Variants in UBR4 observed in about 807,000 individuals in gnomAD.
UBR4 encodes ubiquitin protein ligase E3 component n-recognin 4.
Under a neutral mutation model 575.6 loss-of-function variants are expected in UBR4, and 124 were observed. The ratio of observed to expected loss-of-function variants is 0.22; its 90% CI spans 0.19 to 0.25. The LOEUF is 0.25. UBR4 is among the 10% of genes least tolerant of loss of function. The pLI is 1.00. For missense variants in UBR4, 4,818 were observed against 6,478.8 expected, an observed-to-expected ratio of 0.74 and a Z score of 8.80; for synonymous variants, 2,455 against 2,473.7, an observed-to-expected ratio of 0.99 and a Z score of 0.22.
intron 49 of UBR4, chr1:19,149,771 C>G (rs1259882741): frequency 5.4e-6 from 7 of 1,300,992 alleles, no homozygotes; most frequent in Non-Finnish European, 7.1e-6. Flanking sequence ...ACCGGTCCAG[C>G]TTGGTTAGGG....
At chr1:19,097,315 A>G in intron 90 of UBR4, 35 bp from the exon 91 acceptor site, 1 of 1,593,150 alleles carries the variant, frequency 6.3e-7, no homozygotes, top group Admixed American at 1.7e-5. Context: ...GTACTTAAAA[A>G]CAGGCCCAGA....
chr1:19,119,233 T>C (rs759843021), intron 70 of UBR4, among the ~76,000 whole-genome samples: 2 of 152,196 alleles, frequency 1.3e-5, no homozygotes, highest in Non-Finnish European at 2.9e-5. Context: ...GGTTAGCTAA[T>C]TGCAGAAACA....
chr1:19,130,022 A>T (rs766674066), intron 60 of UBR4, among the ~76,000 whole-genome samples: 2 of 152,166 alleles, frequency 1.3e-5, no homozygotes, highest in Non-Finnish European at 2.9e-5. Flanking sequence ...TTAAAAACAA[A>T]ATGTTTTTAA....
intron 75 of UBR4, 138 bp from the exon 76 acceptor site, chr1:19,114,208 CAAT>C (rs1228701672): frequency 8.7e-7 from 1 of 1,145,002 alleles, no homozygotes; most frequent in African/African-American, 1.6e-5. Flanking sequence ...CTGTTCTTCA[CAAT>C]AATCTTTCCT....
At chr1:19,161,198 G>A in intron 37 of UBR4, 51 bp from the exon 38 acceptor site, 1 of 1,543,092 alleles carries the variant, frequency 6.5e-7, no homozygotes, top group Non-Finnish European at 8.9e-7. Context: ...AAGCACAGAG[G>A]AAATACTGCC....
Position 19,088,045 on chromosome 1 carries a change from A to G in UBR4, c.14431-116T>C, listed in dbSNP as rs538156016. On this transcript the variant is annotated intron_variant, in intron 98 of 105. Coordinates refer to ENST00000375254, the MANE Select transcript of UBR4 (RefSeq NM_020765.3). The surrounding 1 kb of genome is among the most constrained non-coding windows in gnomAD (Gnocchi z 4.0). ...CTACCTCCACTAAAAGGACAGGTGCATGAGAGGAAAGCCCTTGAGCTGTCT... is the reference window on the plus strand; with the variant it reads ...CTACCTCCACTAAAAGGACAGGTGCGTGAGAGGAAAGCCCTTGAGCTGTCT... The G allele has an allele frequency of 1.3e-6, 1 of 743,654 alleles. No individual in the cohort carries two copies. Among genetic ancestry groups the G allele is most frequent in the East Asian group, 2.8e-5 (1 of 35,626 alleles). The allele number at this position is 743,654 out of a possible 1,614,324, so 46.1% of individuals were successfully genotyped here.
At chr1:19,086,842 G>A (rs2077060144) in intron 99 of UBR4, 21 bp from the exon 100 acceptor site, 1 of 1,611,702 alleles carries the variant, frequency 6.2e-7, no homozygotes, top group Non-Finnish European at 8.5e-7. Context: ...GACAACATAA[G>A]GAGAGGGGAG....
At position 19,157,602 on chromosome 1, in the gene UBR4, G is replaced by C. The variant is rs1297831350; in HGVS notation, c.5760+213C>G. Reference sequence around the variant, plus strand: ...TTTTGAGTGGAAATTTACTAATTAGGAACAGTCCTAGTCATACCAGCTCTA... The same window carrying C: ...TTTTGAGTGGAAATTTACTAATTAGCAACAGTCCTAGTCATACCAGCTCTA... On this transcript the variant is annotated intron_variant, in intron 40 of 105. Transcript: ENST00000375254. This position sits in a 1 kb window ranked among gnomAD's most constrained non-coding sequence, Gnocchi z 4.4. 1.3e-5 allele frequency among the ~76,000 whole-genome samples: 2 copies of C among 152,236 alleles called. No individual in the cohort carries two copies. The highest frequency in any genetic ancestry group is 4.8e-5 in the African/African-American group (2 of 41,458).
At chr1:19,109,043 T>C (rs1360912575) in intron 81 of UBR4, among the ~76,000 whole-genome samples, 1 of 152,026 alleles carries the variant, frequency 6.6e-6, no homozygotes, top group Non-Finnish European at 1.5e-5. Context: ...GGAAGCAGAG[T>C]GCCCCGTGCT....
Position 19,161,219 on chromosome 1 carries a change from G to C in UBR4, c.5176-72C>G. 3 of 1,436,752 alleles carry C rather than the reference G, an allele frequency of 2.1e-6. No homozygotes were observed. The South Asian group carries it at 3.6e-5, about 17-fold the overall frequency. 89.0% of individuals were successfully genotyped at this position (1,436,752 alleles called of 1,614,324 possible). The stretch of plus-strand genomic sequence containing the variant: ...AGAGGAAATACTGCCTGAGATCTCC[G>C]AGGAAAATTTGACCCAAAGAAGAAA... On this transcript the variant is annotated intron_variant, in intron 37 of 105. Transcript: ENST00000375254.
At chr1:19,188,931 T>G (rs2091812772) in intron 11 of UBR4, among the ~76,000 whole-genome samples, 2 of 152,082 alleles carry the variant, frequency 1.3e-5, no homozygotes, top group Non-Finnish European at 1.5e-5. Context: ...ATCCTACCAT[T>G]GCACTCTAGC....
chr1:19,168,206 G>A (rs1424634789), intron 27 of UBR4, 22 bp from the exon 28 acceptor site: 3 of 1,544,552 alleles, frequency 1.9e-6, no homozygotes, highest in Admixed American at 3.7e-5. Flanking sequence ...CAAAGCAGAT[G>A]TAAATGGATA....
chr1:19,092,884 G>A lies in UBR4; in HGVS notation c.14146C>T (p.Arg4716Cys), dbSNP rs1286136840. ...CTTAGGATAAATGGCAAGGCTGGGC[G>A]AGACAAAAACTTTTTCCAGATGTCG... The part of the protein sequence containing the change: ...DADIWKKFLS[R>C]PALPFILRLL... Residue 4716 changes from arginine (R) to cysteine (C), a missense_variant, in exon 97 of 106, where the codon CGC becomes TGC. Transcript: ENST00000375254. The A allele has an allele frequency of 3.1e-6, 5 of 1,613,554 alleles. No individual in the cohort carries two copies. The highest frequency in any genetic ancestry group is 3.4e-6 in the Non-Finnish European group (4 of 1,179,874).
At chr1:19,163,872 A>G in intron 33 of UBR4, 45 bp from the exon 34 acceptor site, 2 of 1,604,602 alleles carry the variant, frequency 1.2e-6, no homozygotes, top group Non-Finnish European at 1.7e-6. Flanking sequence ...ACACAAAATC[A>G]TCGAAGAAAC....
chr1:19,173,423 G>T lies in UBR4; in HGVS notation c.3165+16C>A, dbSNP rs199511687. On this transcript the variant is annotated intron_variant, in intron 23 of 105. Transcript: ENST00000375254. ...ACTTTGGCTTTGAATAGTCTTAGCA[G>T]CAAGCTCTGTGTTACCTTTATCCAG... The T allele has an allele frequency of 1.1e-3, 1,706 of 1,613,968 alleles. No homozygotes were observed. Among genetic ancestry groups the T allele is most frequent in the Middle Eastern group, 2.0e-3 (12 of 6,062 alleles).
At position 19,157,849 on chromosome 1, in the gene UBR4, C is replaced by T; in HGVS notation, c.5726G>A (p.Arg1909His). The T allele has an allele frequency of 1.2e-6, 2 of 1,614,094 alleles. No homozygotes were observed. The highest frequency in any genetic ancestry group is 1.1e-5 in the South Asian group (1 of 91,070). ...CTCATGGCTGACAGCCAAATGTTGG[C>T]GGCGCCCATGGGGAGAGGAGAGCAC... ...MCVLSSPHGR[R>H]QHLAVSHEKG... Residue 1909 changes from arginine to histidine, a missense_variant, in exon 40 of 106, where the codon CGC (arginine) becomes CAC (histidine). Transcript: ENST00000375254. This position sits in a 1 kb window ranked among gnomAD's most constrained non-coding sequence, Gnocchi z 4.4.
rs1246975684 is a variant in UBR4 at position 19,157,144 on chromosome 1, A to G, written c.5761-219T>C. Among the ~76,000 whole-genome samples the G allele has an allele frequency of 6.6e-6, 1 of 152,214 alleles. No homozygotes were observed. The highest frequency in any genetic ancestry group is 1.5e-5 in the Non-Finnish European group (1 of 68,040). On this transcript the variant is annotated intron_variant, in intron 40 of 105. Coordinates refer to ENST00000375254, the MANE Select transcript of UBR4 (RefSeq NM_020765.3). The surrounding 1 kb of genome is among the most constrained non-coding windows in gnomAD (Gnocchi z 4.4). ...AGGACAGAACAGGTAAGTAATGAAA[A>G]CAATTTCTCTTTATATAGTTCACAA...
intron 100 of UBR4, 65 bp from the exon 101 acceptor site, chr1:19,086,335 CG>C: frequency 1.2e-3 from 4 of 3,208 alleles, no homozygotes; most frequent in East Asian, 0.014. Flanking sequence ...GGCACCTGGG[CG>C]GGGGGGCGGG....
chr1:19,092,430 A>C lies in UBR4; in HGVS notation c.14211+389T>G, dbSNP rs558555375. Among the ~76,000 whole-genome samples the C allele has an allele frequency of 2.4e-4, 37 of 151,620 alleles. No individual in the cohort carries two copies. In the South Asian group the frequency reaches 7.5e-3, roughly 31 times the overall value. On this transcript the variant is annotated intron_variant, in intron 97 of 105. Coordinates refer to ENST00000375254, the MANE Select transcript of UBR4 (RefSeq NM_020765.3). ...TCAGCCCTGTGGGGAGAAATCAGGAATGAGCTGCGGAGTGGAATGGGTGGG... is the reference window on the plus strand; with the variant it reads ...TCAGCCCTGTGGGGAGAAATCAGGACTGAGCTGCGGAGTGGAATGGGTGGG...
Sources: gnomAD v4.1 joint callset for allele counts (sites outside exome capture counted in the v4.1 genomes callset) on GRCh38, gnomAD v4.1.1 for gene constraint, Gnocchi (gnomAD v3.1) non-coding constraint, MANE v1.5 for transcripts, NCBI Gene and HGNC (gene_info 2026-07-23, HGNC 2026-07-21) for gene names.